The following DNM3 variants were observed in gnomAD, a reference collection of about 807,000 sequenced individuals.
The protein encoded by DNM3 is dynamin-3.
A neutral mutation model predicts 101.6 loss-of-function variants in DNM3; 47 were observed. The ratio of observed to expected loss-of-function variants is 0.46; its 90% confidence interval spans 0.37 to 0.59. The LOEUF (loss-of-function observed/expected upper bound fraction) is 0.59. Ranked by LOEUF, DNM3 falls within the 20% of genes least tolerant of loss-of-function variation. DNM3 has a pLI of 0.00. For missense variants in DNM3, 849 were observed against 1,085.7 expected (o/e 0.78, Z 3.06); for synonymous variants, 385 against 387.9 (o/e 0.99, Z 0.09).
intron 15 of DNM3, among the ~76,000 whole-genome samples, chr1:172,292,397 G>GA (rs1450231342): frequency 6.6e-6 from 1 of 152,144 alleles, no homozygotes; most frequent in Admixed American, 6.5e-5. Context: ...TTATTGTCCA[G>GA]AAAACAGGCA....
chr1:172,161,619 A>G (rs2058547990), intron 14 of DNM3, among the ~76,000 whole-genome samples: 1 of 152,062 alleles, frequency 6.6e-6, no homozygotes, highest in Non-Finnish European at 1.5e-5. Flanking sequence ...TAAATGATTC[A>G]GGACTGCAAT....
At chr1:172,224,335 A>G (rs2148577960) in intron 14 of DNM3, among the ~76,000 whole-genome samples, 1 of 152,320 alleles carries the variant, frequency 6.6e-6, no homozygotes, top group East Asian at 1.9e-4. Flanking sequence ...GAGTTTCAGG[A>G]AAAGGCTAAA....
chr1:171,988,301 G>A (rs902202257), intron 3 of DNM3, among the ~76,000 whole-genome samples: 1 of 151,958 alleles, frequency 6.6e-6, no homozygotes, highest in Non-Finnish European at 1.5e-5. Context: ...AATTTTTAGT[G>A]GGCAAATTTT....
chr1:172,067,551 C>T lies in DNM3; in HGVS notation c.1336-1268C>T, dbSNP rs75043586. On this transcript the variant is annotated intron_variant, in intron 10 of 20. Coordinates refer to ENST00000627582, the MANE Select transcript of DNM3 (RefSeq NM_015569.5). ...TTATCGCCACTAATTGCCCCCACTT[C>T]CACCATGCCTTCACACATGTTCCTG... is the stretch of plus-strand genomic sequence containing the variant. Among the ~76,000 whole-genome samples the T allele has an allele frequency of 6.1e-3, 936 of 152,236 alleles. 18 individuals carry two copies. Among genetic ancestry groups the T allele is most frequent in the African/African-American group, 0.021 (885 of 41,528 alleles).
chr1:172,145,324 G>GTC (rs535746382), intron 14 of DNM3, among the ~76,000 whole-genome samples: 1,761 of 140,886 alleles, frequency 0.012, 38 homozygotes, highest in African/African-American at 0.041. Context: ...CTGTCTGTCT[G>GTC]TCTCTCTCTC....
rs141634893 is a variant in DNM3, at chr1:172,073,700, C to T, written c.1422+4795C>T. On this transcript the variant is annotated intron_variant, in intron 11 of 20. Transcript: ENST00000627582. ...AGCAAACAAATACTCACAATAGTCACCAAAATTTATCCAACAAAGTTGAAG... is the reference window on the plus strand; with the variant it reads ...AGCAAACAAATACTCACAATAGTCATCAAAATTTATCCAACAAAGTTGAAG... Among the ~76,000 whole-genome samples the T allele has an allele frequency of 2.0e-4, 31 of 152,228 alleles. 1 individual carries two copies. The East Asian group carries it at 4.8e-3, about 24-fold the overall frequency.
At chr1:172,370,491 A>C (rs539556203) in intron 17 of DNM3, among the ~76,000 whole-genome samples, 1 of 152,070 alleles carries the variant, frequency 6.6e-6, no homozygotes, top group African/African-American at 2.4e-5. Context: ...TGATCTTACT[A>C]TCTTTATGAT....
At chr1:172,042,984 G>T (rs942249944) in intron 8 of DNM3, among the ~76,000 whole-genome samples, 24 of 152,272 alleles carry the variant, frequency 1.6e-4, no homozygotes, top group African/African-American at 5.3e-4. Context: ...TTTCTGTGGA[G>T]TCTGAAGCTT....
chr1:172,011,307 A>C (rs1013563367), intron 4 of DNM3, among the ~76,000 whole-genome samples: 3 of 151,888 alleles, frequency 2.0e-5, no homozygotes, highest in Non-Finnish European at 4.4e-5. Context: ...ATGCATGTAG[A>C]ATTACTCCTT....
chr1:171,861,469 C>T (rs2034170131), intron 1 of DNM3, among the ~76,000 whole-genome samples: 2 of 151,912 alleles, frequency 1.3e-5, no homozygotes, highest in African/African-American at 4.8e-5. Flanking sequence ...ACAAAAGTAC[C>T]AAGATAATTC....
intron 13 of DNM3, among the ~76,000 whole-genome samples, chr1:172,111,338 A>C (rs1404787157): frequency 6.6e-6 from 1 of 152,204 alleles, no homozygotes; most frequent in Non-Finnish European, 1.5e-5. Context: ...TTATTGACTA[A>C]TCTGTGATCT....
intron 14 of DNM3, among the ~76,000 whole-genome samples, chr1:172,200,162 C>T (rs561470452): frequency 2.6e-5 from 4 of 152,192 alleles, no homozygotes; most frequent in African/African-American, 4.8e-5. Flanking sequence ...CCTTCACTTA[C>T]GAAGCTTAGT....
chr1:171,916,626 T>C (rs912663857), intron 1 of DNM3, among the ~76,000 whole-genome samples: 3 of 152,234 alleles, frequency 2.0e-5, no homozygotes, highest in Non-Finnish European at 4.4e-5. Context: ...CTGAATGACA[T>C]ACACCGGCTA....
intron 14 of DNM3, among the ~76,000 whole-genome samples, chr1:172,163,476 G>A (rs1024211381): frequency 3.3e-5 from 5 of 151,976 alleles, no homozygotes; most frequent in African/African-American, 1.2e-4. Flanking sequence ...TTGACCTCGT[G>A]ATCTGCCCCC....
chr1:172,171,332 G>C (rs1487077806), intron 14 of DNM3, among the ~76,000 whole-genome samples: 1 of 151,732 alleles, frequency 6.6e-6, no homozygotes, highest in Non-Finnish European at 1.5e-5. Context: ...TTATGATCAT[G>C]TTATTGAATA....
chr1:172,205,749 C>T (rs1006570648), intron 14 of DNM3, among the ~76,000 whole-genome samples: 22 of 152,140 alleles, frequency 1.4e-4, no homozygotes, highest in South Asian at 8.3e-4. Context: ...AATATATAGT[C>T]GGGAAAGGAA....
At chr1:172,172,087 A>T (rs915422091) in intron 14 of DNM3, among the ~76,000 whole-genome samples, 2 of 151,602 alleles carry the variant, frequency 1.3e-5, no homozygotes, top group Non-Finnish European at 3.0e-5. Context: ...GATGGGAAAC[A>T]ACCCTCTGGG....
intron 14 of DNM3, among the ~76,000 whole-genome samples, chr1:172,219,689 G>A (rs899997669): frequency 1.3e-5 from 2 of 152,106 alleles, no homozygotes; most frequent in Non-Finnish European, 2.9e-5. Flanking sequence ...CAGACACAAG[G>A]TGAAGATGTA....
intron 15 of DNM3, among the ~76,000 whole-genome samples, chr1:172,293,448 A>G (rs1280298735): frequency 6.6e-6 from 1 of 152,236 alleles, no homozygotes; most frequent in African/African-American, 2.4e-5. Context: ...ACTAAAACAC[A>G]TAGTTCAGCT....
Sources: gnomAD v4.1 joint callset for allele counts (sites outside exome capture counted in the v4.1 genomes callset) on GRCh38, gnomAD v4.1.1 for gene constraint, MANE v1.5 for transcripts, NCBI Gene and HGNC (gene_info 2026-07-23, HGNC 2026-07-21) for gene names.